The following PLEKHA6 variants were observed in gnomAD, a reference collection of about 807,000 sequenced individuals.
PLEKHA6 encodes pleckstrin homology domain containing A6, also known as pleckstrin homology domain-containing family A member 6.
Under a neutral mutation model 116.7 loss-of-function variants are expected in PLEKHA6, and 60 were observed. That is an observed-to-expected ratio of 0.51 (90% confidence interval 0.42 to 0.64). The LOEUF is 0.64. PLEKHA6 is among the 30% of genes least tolerant of loss of function. The probability of loss-of-function intolerance (pLI) is 0.00; values close to 1 mark genes in which losing one functional copy is unlikely to be tolerated. For missense variants in PLEKHA6, 1,338 were observed against 1,422.7 expected, an observed-to-expected ratio of 0.94 and a Z score of 0.96; for synonymous variants, 489 against 556.1, an observed-to-expected ratio of 0.88 and a Z score of 1.70.
intron 1 of PLEKHA6, among the ~76,000 whole-genome samples, chr1:204,332,545 C>T (rs1672493552): frequency 6.6e-6 from 1 of 152,168 alleles, no homozygotes; most frequent in Admixed American, 6.5e-5. Flanking sequence ...CCATGCCCAG[C>T]TAATTTTTGT....
chr1:204,376,967 AATATAACAGTGCTAAT>A (rs1234407989), intron 1 of PLEKHA6, among the ~76,000 whole-genome samples: 2 of 152,224 alleles, frequency 1.3e-5, no homozygotes, highest in Non-Finnish European at 2.9e-5. Flanking sequence ...TTATGAAATT[AATATAACAGTGCTAAT>A]ATATTACTGA....
intron 1 of PLEKHA6, among the ~76,000 whole-genome samples, chr1:204,322,889 C>T (rs138887196): frequency 0.012 from 1,900 of 152,318 alleles, 116 homozygotes; most frequent in Admixed American, 0.1. Context: ...TGTCCCATGG[C>T]GTATCATTCT....
intron 1 of PLEKHA6, among the ~76,000 whole-genome samples, chr1:204,336,590 A>G (rs1672656977): frequency 6.6e-6 from 1 of 150,404 alleles, no homozygotes; most frequent in South Asian, 2.1e-4. Context: ...GTGTGTGTGC[A>G]CGCACATACA....
At chr1:204,281,178 G>A (rs556048258) in intron 1 of PLEKHA6, 8 of 155,718 alleles carry the variant, frequency 5.1e-5, no homozygotes, top group South Asian at 2.1e-4. Context: ...CAAGACCCTC[G>A]TCACTAAAAA....
intron 2 of PLEKHA6, among the ~76,000 whole-genome samples, chr1:204,370,154 C>T (rs1335646815): frequency 6.6e-6 from 1 of 152,248 alleles, no homozygotes; most frequent in Non-Finnish European, 1.5e-5. Flanking sequence ...AGTCAAATGG[C>T]CTTGAGCCAG....
intron 1 of PLEKHA6, among the ~76,000 whole-genome samples, chr1:204,298,797 CA>C (rs1346128828): frequency 1.3e-5 from 2 of 152,198 alleles, no homozygotes; most frequent in Non-Finnish European, 2.9e-5. Context: ...TCAGCTCAGC[CA>C]AAATCCCTCC....
chr1:204,293,645 C>T (rs1161796308), intron 1 of PLEKHA6, among the ~76,000 whole-genome samples: 2 of 152,126 alleles, frequency 1.3e-5, no homozygotes, highest in African/African-American at 4.8e-5. Flanking sequence ...GAAATGTTTG[C>T]ATTGATTTTG....
At chr1:204,299,252 A>G (rs772797618) in intron 1 of PLEKHA6, among the ~76,000 whole-genome samples, 1 of 152,260 alleles carries the variant, frequency 6.6e-6, no homozygotes, top group Non-Finnish European at 1.5e-5. Context: ...AAAGGAAAGC[A>G]AACAGGAGGA....
intron 5 of PLEKHA6, among the ~76,000 whole-genome samples, chr1:204,267,132 T>C (rs1459159087): frequency 2.0e-5 from 3 of 152,200 alleles, no homozygotes; most frequent in Admixed American, 1.3e-4. Context: ...GGTGACCTAC[T>C]AGTAGTGACT....
intron 1 of PLEKHA6, among the ~76,000 whole-genome samples, chr1:204,347,863 A>C (rs137901196): frequency 6.6e-6 from 1 of 152,156 alleles, no homozygotes; most frequent in Non-Finnish European, 1.5e-5. Context: ...GGTTCCTATA[A>C]GAAAGATACT....
At chr1:204,266,839 C>T (rs1212309734) in intron 5 of PLEKHA6, among the ~76,000 whole-genome samples, 1 of 152,196 alleles carries the variant, frequency 6.6e-6, no homozygotes. Flanking sequence ...CCACATGGCG[C>T]CACCATCACT....
rs150025133 is a variant in PLEKHA6 at position 204,277,492 on chromosome 1, C to T, written c.-94-2683G>A. 1 of 152,330 alleles carries T rather than the reference C, an allele frequency of 6.6e-6. No homozygotes were observed. Among genetic ancestry groups the T allele is most frequent in the East Asian group, 1.9e-4 (1 of 5,192 alleles). The allele number at this position is 152,330 out of a possible 1,614,324, so 9.4% of individuals were successfully genotyped here. On this transcript the variant is annotated intron_variant, in intron 1 of 22. Transcript: ENST00000272203. The surrounding 1 kb of genome is among the most constrained non-coding windows in gnomAD (Gnocchi z 4.1). ...AAGGAGTCTGGGGCTGCATTCCCAT[C>T]TGCACGGCTGAAACCCATGCCAGCC...
At chr1:204,313,109 T>C (rs1212085584) in intron 1 of PLEKHA6, among the ~76,000 whole-genome samples, 1 of 130,122 alleles carries the variant, frequency 7.7e-6, no homozygotes, top group Admixed American at 8.3e-5. Flanking sequence ...CCCTCCTTCC[T>C]TCCTTCCTTG....
At chr1:204,283,664 A>C (rs964380197) in intron 1 of PLEKHA6, among the ~76,000 whole-genome samples, 3 of 152,192 alleles carry the variant, frequency 2.0e-5, no homozygotes, top group African/African-American at 7.2e-5. Context: ...GGAAAGCAGG[A>C]GAGAGCTTCA....
upstream of PLEKHA6, among the ~76,000 whole-genome samples, chr1:204,364,824 G>A (rs144261743): frequency 2.6e-5 from 4 of 152,306 alleles, no homozygotes; most frequent in East Asian, 1.9e-4. Flanking sequence ...CTCTGAATCC[G>A]AAACTCTAGG....
At chr1:204,314,512 C>A (rs1671779993) in intron 1 of PLEKHA6, among the ~76,000 whole-genome samples, 1 of 152,192 alleles carries the variant, frequency 6.6e-6, no homozygotes, top group Non-Finnish European at 1.5e-5. Flanking sequence ...GGCCACCACT[C>A]CCCCTGGCCT....
At position 204,245,022 on chromosome 1, in the gene PLEKHA6, A is replaced by C; in HGVS notation, c.2033-19T>G. 7.1e-7 allele frequency: 1 copy of C among 1,400,634 alleles called. No homozygotes were observed. The highest frequency in any genetic ancestry group is 9.3e-7 in the Non-Finnish European group (1 of 1,073,648). 86.8% of individuals were successfully genotyped at this position (1,400,634 alleles called of 1,614,324 possible). A position where few individuals can be genotyped will look rare whatever the true frequency, so the allele number is the denominator to read the frequency against. The stretch of plus-strand genomic sequence containing the variant: ...AGTCCTCCTTGGGGGAAACAAGGGG[A>C]TGGGTGAGCAATGGAGGAGGGGTGC... On this transcript the variant is annotated intron_variant, in intron 14 of 22. Coordinates refer to ENST00000272203, the MANE Select transcript of PLEKHA6 (RefSeq NM_014935.5).
At chr1:204,334,244 C>A (rs999371717) in intron 1 of PLEKHA6, among the ~76,000 whole-genome samples, 29 of 152,204 alleles carry the variant, frequency 1.9e-4, no homozygotes, top group African/African-American at 6.7e-4. Context: ...AGCGGGAGAG[C>A]CAAGGGTGGC....
chr1:204,307,753 G>A (rs1226533047), intron 1 of PLEKHA6: 5 of 445,032 alleles, frequency 1.1e-5, no homozygotes, highest in African/African-American at 2.1e-5. Flanking sequence ...GAAACCCTAA[G>A]CTGAGCTAGC....
Sources: allele counts gnomAD v4.1 joint callset (sites outside exome capture counted in the v4.1 genomes callset), GRCh38; gene constraint gnomAD v4.1.1; non-coding constraint Gnocchi (gnomAD v3.1); transcripts MANE v1.5; gene names NCBI Gene and HGNC (gene_info 2026-07-23, HGNC 2026-07-21).